Variants in TCERG1L observed in about 807,000 individuals in gnomAD.
The protein encoded by TCERG1L is transcription elongation regulator 1-like protein.
A neutral mutation model predicts 56.3 loss-of-function variants in TCERG1L; 37 were observed. The observed-to-expected ratio is 0.66, with a 90% CI of 0.51 to 0.87. The LOEUF is 0.87. Ranked by LOEUF, TCERG1L falls within the 40% of genes least tolerant of loss-of-function variation. The pLI is 0.00. For missense variants in TCERG1L, 799 were observed against 774.2 expected, an observed-to-expected ratio of 1.03 and a Z score of -0.38; for synonymous variants, 324 against 326.3, an observed-to-expected ratio of 0.99 and a Z score of 0.08.
intron 4 of TCERG1L, among the ~76,000 whole-genome samples, chr10:131,177,141 CAGACACGTGTACACACAG>C (rs1344999541): frequency 6.6e-6 from 1 of 151,914 alleles, no homozygotes; most frequent in Non-Finnish European, 1.5e-5. Flanking sequence ...TGCACACACA[CAGACACGTGTACACACAG>C]AGACACATGG....
chr10:131,219,027 G>A (rs1175796880), intron 4 of TCERG1L, among the ~76,000 whole-genome samples: 1 of 152,128 alleles, frequency 6.6e-6, no homozygotes, highest in Admixed American at 6.5e-5. Context: ...CCAGCTCCTT[G>A]CCCAGCTCAC....
At chr10:131,291,957 A>C (rs562890959) in intron 3 of TCERG1L, among the ~76,000 whole-genome samples, 1 of 152,208 alleles carries the variant, frequency 6.6e-6, no homozygotes, top group African/African-American at 2.4e-5. Flanking sequence ...ATAACTACTA[A>C]TATGTAGAAA....
At chr10:131,284,605 T>C (rs979078577) in intron 3 of TCERG1L, among the ~76,000 whole-genome samples, 1 of 152,164 alleles carries the variant, frequency 6.6e-6, no homozygotes, top group African/African-American at 2.4e-5. Context: ...TTAAAAGTTG[T>C]TTCTTTGAAG....
intron 4 of TCERG1L, among the ~76,000 whole-genome samples, chr10:131,248,037 TCACA>T (rs1266078872): frequency 6.9e-6 from 1 of 144,386 alleles, no homozygotes; most frequent in Non-Finnish European, 1.5e-5. Context: ...ACAGGTAAAC[TCACA>T]CACATTGTAA....
At chr10:131,129,824 C>T (rs543485399) in intron 8 of TCERG1L, among the ~76,000 whole-genome samples, 3 of 152,100 alleles carry the variant, frequency 2.0e-5, no homozygotes, top group African/African-American at 4.8e-5. Context: ...GCGCATGGAT[C>T]GGGAGGCCTC....
At chr10:131,106,723 G>T (rs1845354904) in intron 9 of TCERG1L, among the ~76,000 whole-genome samples, 1 of 152,094 alleles carries the variant, frequency 6.6e-6, no homozygotes, top group Non-Finnish European at 1.5e-5. Flanking sequence ...GCAGGGTCAG[G>T]GAGGGGAAGG....
At chr10:131,175,042 C>G (rs560201768) in intron 4 of TCERG1L, among the ~76,000 whole-genome samples, 1 of 152,198 alleles carries the variant, frequency 6.6e-6, no homozygotes, top group Non-Finnish European at 1.5e-5. Flanking sequence ...GTCTGTCTGA[C>G]CAGCAGATCT....
intron 9 of TCERG1L, among the ~76,000 whole-genome samples, chr10:131,105,468 A>G (rs994491390): frequency 3.3e-5 from 5 of 152,120 alleles, no homozygotes; most frequent in African/African-American, 1.2e-4. Context: ...AGGCCTCCAC[A>G]TTACTTATGT....
Position 131,308,357 on chromosome 10 carries a change from G to A in TCERG1L, c.524C>T (p.Thr175Met), listed in dbSNP as rs1298657845. 13 of 1,613,794 alleles carry A rather than the reference G, an allele frequency of 8.1e-6. No individual in the cohort carries two copies. Among genetic ancestry groups the A allele is most frequent in the Middle Eastern group, 1.6e-4 (1 of 6,082 alleles). The change falls in exon 3 of 12, where the codon ACG becomes ATG. Residue 175 changes from threonine to methionine, a missense_variant. By Grantham distance (81) the Thr-to-Met change is moderately conservative. Coordinates refer to ENST00000368642, the MANE Select transcript of TCERG1L (RefSeq NM_174937.4). ...FFNNSFALDSTWIHPEESRFF... is the reference protein window; with the variant it reads ...FFNNSFALDSMWIHPEESRFF... ...CCTTGACTCCTCAGGATGTATCCACGTTGAGTCCAGAGCAAAGGAATTATT... is the reference window on the plus strand; with the variant it reads ...CCTTGACTCCTCAGGATGTATCCACATTGAGTCCAGAGCAAAGGAATTATT...
At chr10:131,172,629 C>T (rs2996079) in intron 4 of TCERG1L, among the ~76,000 whole-genome samples, 20,515 of 152,254 alleles carry the variant, frequency 0.13, 1,441 homozygotes, top group East Asian at 0.23. Context: ...TGGGAGCAGA[C>T]CCTGAGACCA....
At chr10:131,127,709 C>G (rs756194831) in intron 8 of TCERG1L, among the ~76,000 whole-genome samples, 1 of 152,086 alleles carries the variant, frequency 6.6e-6, no homozygotes, top group East Asian at 1.9e-4. Context: ...GGAGGGAGTC[C>G]CGGAACCACA....
At chr10:131,093,441 A>G in intron 11 of TCERG1L, 123 bp from the exon 12 acceptor site, 1 of 1,207,260 alleles carries the variant, frequency 8.3e-7, no homozygotes, top group Non-Finnish European at 1.2e-6. Context: ...CGTGGGTGGC[A>G]GGGCACCCGG....
rs553945746 is a variant in TCERG1L, at chr10:131,275,782, T to C, written c.671-15338A>G. On this transcript the variant is annotated intron_variant, in intron 3 of 11. Coordinates refer to ENST00000368642, the MANE Select transcript of TCERG1L (RefSeq NM_174937.4). ...TGGATGGTTTTAAAGTAACTTCCAA[T>C]GAGCACCAGGAGCCCAGCCTTTCCC... Among the ~76,000 whole-genome samples, 7 of 152,320 alleles carry C rather than the reference T, an allele frequency of 4.6e-5. No individual in the cohort carries two copies. In the East Asian group the frequency reaches 1.4e-3, roughly 29 times the overall value.
At position 131,311,372 on chromosome 10, in the gene TCERG1L, G is replaced by C; in HGVS notation, c.264C>G (p.Leu88=). The part of the protein sequence containing the change: ...PGWPAPSEPV[L]PLLPLPSAPD... Reference sequence around the variant, plus strand: ...GCGCAGAGGGCAGCGGCAGCAGCGGGAGCACCGGCTCGCTCGGGGCCGGCC... The same window carrying C: ...GCGCAGAGGGCAGCGGCAGCAGCGGCAGCACCGGCTCGCTCGGGGCCGGCC... Residue 88 remains leucine (L), a synonymous_variant, in exon 1 of 12, where the codon CTC becomes CTG. Transcript: ENST00000368642. The surrounding 1 kb of genome is among the most constrained non-coding windows in gnomAD (Gnocchi z 4.0). 8.4e-7 allele frequency: 1 copy of C among 1,196,942 alleles called. No individual in the cohort carries two copies. Among genetic ancestry groups the C allele is most frequent in the African/African-American group, 1.6e-5 (1 of 62,676 alleles). 74.1% of individuals were successfully genotyped at this position (1,196,942 alleles called of 1,614,324 possible).
chr10:131,232,185 G>A (rs893449689), intron 4 of TCERG1L, among the ~76,000 whole-genome samples: 2 of 152,212 alleles, frequency 1.3e-5, no homozygotes, highest in African/African-American at 2.4e-5. Flanking sequence ...ATTCTCACGC[G>A]CTGTCATGCC....
intron 8 of TCERG1L, among the ~76,000 whole-genome samples, chr10:131,121,711 C>T (rs1356171933): frequency 6.6e-6 from 1 of 152,238 alleles, no homozygotes; most frequent in African/African-American, 2.4e-5. Context: ...GACAGAGATG[C>T]CCCCTCGGCC....
chr10:131,124,065 T>C (rs766291214), intron 8 of TCERG1L, among the ~76,000 whole-genome samples: 16 of 152,230 alleles, frequency 1.1e-4, no homozygotes, highest in Non-Finnish European at 1.5e-5. Context: ...TTTCTGTCAA[T>C]CACTGTGGCG....
intron 4 of TCERG1L, among the ~76,000 whole-genome samples, chr10:131,255,316 A>T (rs960166659): frequency 1.3e-5 from 2 of 152,266 alleles, no homozygotes; most frequent in East Asian, 3.8e-4. Flanking sequence ...CTGAGTGAAA[A>T]GGCCATCGCA....
chr10:131,252,896 C>G lies in TCERG1L; in HGVS notation c.856+7363G>C, dbSNP rs1236409816. 2.0e-5 allele frequency among the ~76,000 whole-genome samples: 3 copies of G among 152,324 alleles called. No homozygotes were observed. In the South Asian group the frequency reaches 6.2e-4, roughly 32 times the overall value. The stretch of plus-strand genomic sequence containing the variant: ...AGCAGCCATGGGTGACTCCTTCCTC[C>G]CTGATCTGTCTACAGACCAACTATC... On this transcript the variant is annotated intron_variant, in intron 4 of 11. Transcript: ENST00000368642.
Sources: allele counts gnomAD v4.1 joint callset (sites outside exome capture counted in the v4.1 genomes callset), GRCh38; gene constraint gnomAD v4.1.1; non-coding constraint Gnocchi (gnomAD v3.1); transcripts MANE v1.5; gene names NCBI Gene and HGNC (gene_info 2026-07-23, HGNC 2026-07-21).